Variants in PKHD1 observed in about 807,000 individuals in gnomAD.
PKHD1 encodes PKHD1 ciliary IPT domain containing fibrocystin/polyductin.
Under a neutral mutation model 412.0 loss-of-function variants are expected in PKHD1, and 291 were observed. The observed-to-expected ratio is 0.71, with a 90% CI of 0.64 to 0.78. The LOEUF (loss-of-function observed/expected upper bound fraction) is 0.78, where lower values mean the gene tolerates loss of function less well. Ranked by LOEUF, PKHD1 falls within the 30% of genes least tolerant of loss-of-function variation. PKHD1 has a pLI of 0.00. For synonymous variants in PKHD1, 1,777 were observed against 1,821.5 expected (o/e 0.98, Z 0.62); for missense variants, 4,825 against 4,950.7 (o/e 0.97, Z 0.76).
chr6:51,770,857 A>G (rs1789975707), intron 55 of PKHD1, among the ~76,000 whole-genome samples: 2 of 152,232 alleles, frequency 1.3e-5, no homozygotes, highest in Non-Finnish European at 2.9e-5. Flanking sequence ...TCAATCAAAC[A>G]CTAATCTAGG....
intron 60 of PKHD1, among the ~76,000 whole-genome samples, chr6:51,695,349 T>C (rs1454376327): frequency 6.6e-6 from 1 of 152,092 alleles, no homozygotes; most frequent in Non-Finnish European, 1.5e-5. Flanking sequence ...ATCTCAACCC[T>C]CTAACCCTTC....
At position 52,065,096 on chromosome 6, in the gene PKHD1, T is replaced by C. The variant is rs200399592; in HGVS notation, c.881-46A>G. On this transcript the variant is annotated intron_variant, in intron 12 of 66. Transcript: ENST00000371117. The stretch of plus-strand genomic sequence containing the variant: ...TTATGTATGTGTGTGTGTGTAGGTA[T>C]ACATATATATGTATATGTGTGTGGG... 6.5e-4 allele frequency: 493 copies of C among 754,308 alleles called. 5 individuals are homozygous for C. The East Asian group carries it at 0.013, about 20-fold the overall frequency. 46.7% of individuals were successfully genotyped at this position (754,308 alleles called of 1,614,324 possible). A position where few individuals can be genotyped will look rare whatever the true frequency, so the allele number is the denominator to read the frequency against.
chr6:52,023,934 G>A (rs1378976651), intron 32 of PKHD1, among the ~76,000 whole-genome samples: 4 of 152,332 alleles, frequency 2.6e-5, no homozygotes, highest in African/African-American at 7.2e-5. Context: ...TACTCCAACA[G>A]TCTAAGATTC....
Position 51,727,230 on chromosome 6 carries a change from G to A in PKHD1, c.10156+17155C>T, listed in dbSNP as rs150461631. On this transcript the variant is annotated intron_variant, in intron 60 of 66. Transcript: ENST00000371117. ...TTTTCCTCTTTTCTCTTCCAGTCTC[G>A]GGATAAAATTTTGAGACAAACTGCA... is the stretch of plus-strand genomic sequence containing the variant. Among the ~76,000 whole-genome samples, 204 of 151,982 alleles carry A rather than the reference G, an allele frequency of 1.3e-3. 1 individual carries two copies. Among genetic ancestry groups the A allele is most frequent in the African/African-American group, 1.0e-3 (43 of 41,416 alleles).
intron 60 of PKHD1, among the ~76,000 whole-genome samples, chr6:51,719,922 A>T (rs544880410): frequency 6.6e-6 from 1 of 152,284 alleles, no homozygotes; most frequent in South Asian, 2.1e-4. Context: ...TGAAAAAGAA[A>T]GTCTTAAAAG....
intron 55 of PKHD1, among the ~76,000 whole-genome samples, chr6:51,770,862 T>C (rs1196439289): frequency 6.6e-6 from 1 of 152,086 alleles, no homozygotes; most frequent in African/African-American, 2.4e-5. Context: ...CAAACACTAA[T>C]CTAGGTGTTA....
intron 13 of PKHD1, 76 bp from the exon 14 acceptor site, chr6:52,062,736 C>T (rs1295274781): frequency 4.4e-6 from 7 of 1,584,614 alleles, no homozygotes; most frequent in Non-Finnish European, 6.1e-6. Flanking sequence ...TTTTAAATTA[C>T]AAGGTGAAAG....
chr6:52,051,294 G>C (rs1806809865), intron 21 of PKHD1, among the ~76,000 whole-genome samples: 1 of 152,166 alleles, frequency 6.6e-6, no homozygotes, highest in African/African-American at 2.4e-5. Flanking sequence ...GAAATAAATG[G>C]AAGCTACCAC....
Position 51,616,333 on chromosome 6 carries a change from A to C in PKHD1, c.*2748T>G. On this transcript the variant is annotated 3_prime_UTR_variant, in exon 67 of 67. Coordinates refer to ENST00000371117, the MANE Select transcript of PKHD1 (RefSeq NM_138694.4). Reference sequence around the variant, plus strand: ...AGAGATTCTTTGAACTAACACAGGAAAAAAGCACATCTCAATATTTATTTA... The same window carrying C: ...AGAGATTCTTTGAACTAACACAGGACAAAAGCACATCTCAATATTTATTTA... 2 of 211,064 alleles carry C rather than the reference A, an allele frequency of 9.5e-6. No individual in the cohort carries two copies. The highest frequency in any genetic ancestry group is 1.9e-4 in the East Asian group (2 of 10,384). The allele number at this position is 211,064 out of a possible 1,614,324, so 13.1% of individuals were successfully genotyped here.
intron 52 of PKHD1, among the ~76,000 whole-genome samples, chr6:51,804,124 A>G (rs1763345938): frequency 1.3e-5 from 2 of 151,330 alleles, no homozygotes; most frequent in Admixed American, 1.3e-4. Context: ...CAAAGTAAAA[A>G]AGACTATGTC....
intron 55 of PKHD1, 122 bp downstream of exon 55, chr6:51,772,580 C>T (rs1396369440): frequency 7.2e-6 from 4 of 555,272 alleles, no homozygotes; most frequent in Non-Finnish European, 1.3e-5. Flanking sequence ...TATTTTTCTA[C>T]TTGCTCATCC....
At chr6:51,639,962 T>C (rs1340171168) in intron 63 of PKHD1, among the ~76,000 whole-genome samples, 1 of 152,332 alleles carries the variant, frequency 6.6e-6, no homozygotes, top group East Asian at 1.9e-4. Flanking sequence ...TAAAACTTCT[T>C]TTTTGAGAAA....
intron 60 of PKHD1, chr6:51,740,036 G>T (rs766640035): frequency 5.8e-6 from 3 of 518,724 alleles, no homozygotes; most frequent in South Asian, 4.2e-5. Context: ...GATTTTGAAT[G>T]TTCAGATCAT....
chr6:52,077,664 G>A (rs1407799342), intron 5 of PKHD1, among the ~76,000 whole-genome samples: 1 of 152,148 alleles, frequency 6.6e-6, no homozygotes, highest in African/African-American at 2.4e-5. Context: ...TTTAAGTATT[G>A]ATCCATATGC....
Position 51,659,051 on chromosome 6 carries a change from C to T in PKHD1, c.11075G>A (p.Arg3692Gln), listed in dbSNP as rs748172183. ...CCCAGTCTGTTGAGCAGTGATGACT[C>T]GATGAGCCAAATTCTGTAATTTGTT... The part of the protein sequence containing the change: ...SSNKLQNLAH[R>Q]VITAQQTGVL... The change falls in exon 61 of 67, where the codon CGA (arginine) becomes CAA (glutamine). Residue 3692 changes from arginine (R) to glutamine (Q), a missense_variant. By Grantham distance (43) the Arg-to-Gln change is conservative. Transcript: ENST00000371117. The T allele has an allele frequency of 7.4e-6, 12 of 1,613,500 alleles. No individual in the cohort carries two copies. Among genetic ancestry groups the T allele is most frequent in the Middle Eastern group, 1.7e-4 (1 of 6,058 alleles).
In PKHD1 at chr6:51,748,511, T is replaced by G; in HGVS notation, c.9105A>C (p.Gly3035=). The change falls in exon 58 of 67, where the codon GGA becomes GGC. Residue 3035 remains glycine, a synonymous_variant. Transcript: ENST00000371117. ...ACACAATATTGTCATTTAAAAGTAC[T>G]CCATGACTGGCAGCTGCATGAATGC... The part of the protein sequence containing the change: ...GGGIHAAASH[G]VLLNDNIVFG... 1.2e-6 allele frequency: 2 copies of G among 1,613,878 alleles called. No individual in the cohort carries two copies. Among genetic ancestry groups the G allele is most frequent in the South Asian group, 2.2e-5 (2 of 91,082 alleles).
chr6:51,979,542 C>T (rs1794879710), intron 35 of PKHD1, among the ~76,000 whole-genome samples: 1 of 151,354 alleles, frequency 6.6e-6, no homozygotes, highest in African/African-American at 2.4e-5. Flanking sequence ...TGTCTTTCTC[C>T]CTCTCTCTCT....
At chr6:51,808,551 T>C (rs965579737) in intron 52 of PKHD1, among the ~76,000 whole-genome samples, 1 of 152,050 alleles carries the variant, frequency 6.6e-6, no homozygotes, top group African/African-American at 2.4e-5. Context: ...TGTGTTTATG[T>C]ATGTGTGTCT....
intron 60 of PKHD1, among the ~76,000 whole-genome samples, chr6:51,739,334 G>C (rs979174610): frequency 6.6e-6 from 1 of 151,924 alleles, no homozygotes; most frequent in Non-Finnish European, 1.5e-5. Context: ...GGGTTCAAGC[G>C]ATTTTCATCC....
Sources: gnomAD v4.1 joint callset for allele counts (sites outside exome capture counted in the v4.1 genomes callset) on GRCh38, gnomAD v4.1.1 for gene constraint, MANE v1.5 for transcripts, NCBI Gene and HGNC (gene_info 2026-07-23, HGNC 2026-07-21) for gene names.